The following RUNX1 variants were observed in gnomAD, a reference collection of about 807,000 sequenced individuals.
RUNX1 encodes the protein runt-related transcription factor 1.
In RUNX1, 19 loss-of-function variants were observed where a neutral mutation model predicts 42.8. The ratio of observed to expected loss-of-function variants is 0.44; its 90% CI spans 0.31 to 0.65. RUNX1 has a LOEUF of 0.65. Among genes scored for constraint, RUNX1 ranks in the 30% least tolerant of loss-of-function variants. The pLI is 0.07. For synonymous variants in RUNX1, 271 were observed against 289.4 expected (o/e 0.94, Z 0.64); for missense variants, 528 against 672.0 (o/e 0.79, Z 2.37).
At chr21:34,841,535 AG>A (rs1199383894) in intron 6 of RUNX1, among the ~76,000 whole-genome samples, 1 of 152,138 alleles carries the variant, frequency 6.6e-6, no homozygotes, top group Non-Finnish European at 1.5e-5. Flanking sequence ...ACCTGAGGTC[AG>A]GTGGCATTTT....
intron 2 of RUNX1, among the ~76,000 whole-genome samples, chr21:34,957,362 T>C (rs1306169965): frequency 6.6e-6 from 1 of 152,172 alleles, no homozygotes; most frequent in Non-Finnish European, 1.5e-5. Context: ...TCGTGAAATG[T>C]GAAAAGTTCA....
At chr21:34,960,626 G>A (rs1176259884) in intron 2 of RUNX1, among the ~76,000 whole-genome samples, 1 of 152,218 alleles carries the variant, frequency 6.6e-6, no homozygotes, top group Non-Finnish European at 1.5e-5. Flanking sequence ...GACTTGCCCA[G>A]CCTTAAGATG....
intron 2 of RUNX1, among the ~76,000 whole-genome samples, chr21:34,966,733 C>T (rs139611325): frequency 1.4e-3 from 215 of 152,256 alleles, no homozygotes; most frequent in African/African-American, 4.9e-3. Flanking sequence ...TTTTGCTTTT[C>T]CCACTGAAAA....
At chr21:34,954,815 T>C (rs1415627471) in intron 2 of RUNX1, among the ~76,000 whole-genome samples, 1 of 152,172 alleles carries the variant, frequency 6.6e-6, no homozygotes, top group Non-Finnish European at 1.5e-5. Context: ...AAAGCATCTG[T>C]CTTTGTGTGA....
chr21:35,018,517 C>T lies in RUNX1; in HGVS notation c.58+30325G>A, dbSNP rs574178825. On this transcript the variant is annotated intron_variant, in intron 2 of 8. Coordinates refer to ENST00000675419, the MANE Select transcript of RUNX1 (RefSeq NM_001754.5). ...AGTCGGTGGTACTTTGCAGCCTGAG[C>T]GGACGAATGCATATATCTTACAAAC... Among the ~76,000 whole-genome samples, 15 of 152,244 alleles carry T rather than the reference C, an allele frequency of 9.9e-5. 1 individual carries two copies. In the South Asian group the frequency reaches 2.3e-3, roughly 23 times the overall value.
intron 2 of RUNX1, among the ~76,000 whole-genome samples, chr21:34,893,782 T>TAA (rs374149866): frequency 3.9e-4 from 47 of 121,600 alleles, no homozygotes; most frequent in African/African-American, 1.3e-3. Context: ...TTTTTTTTTT[T>TAA]TAAAAAAAAA....
At chr21:34,857,212 T>C (rs544252327) in intron 6 of RUNX1, among the ~76,000 whole-genome samples, 3 of 152,198 alleles carry the variant, frequency 2.0e-5, no homozygotes, top group Non-Finnish European at 4.4e-5. Flanking sequence ...TGTGTAAAAA[T>C]GGATGCTTCT....
intron 2 of RUNX1, among the ~76,000 whole-genome samples, chr21:34,936,559 G>A (rs1374755004): frequency 6.6e-6 from 1 of 152,196 alleles, no homozygotes; most frequent in Non-Finnish European, 1.5e-5. Context: ...CTGTGTAAAT[G>A]TACGAGGCTG....
chr21:34,820,766 T>G (rs1163631365), intron 7 of RUNX1, among the ~76,000 whole-genome samples: 1 of 152,132 alleles, frequency 6.6e-6, no homozygotes, highest in Admixed American at 6.5e-5. Flanking sequence ...GATGGTGTAT[T>G]TCCAGAAAAA....
In RUNX1 at chr21:34,843,686, T is replaced by G. The variant is rs1235530078; in HGVS notation, c.614-9085A>C. Among the ~76,000 whole-genome samples, 2 of 126,824 alleles carry G rather than the reference T, an allele frequency of 1.6e-5. No individual in the cohort carries two copies. The highest frequency in any genetic ancestry group is 8.9e-5 in the Admixed American group (1 of 11,206). The allele number at this position is 126,824 out of a possible 152,430, so 83.2% of individuals were successfully genotyped here. ...CAGGCCTGCCCCTCCCCAGCCCCCCTGCACCATGCGCCCAAGACTCACGGG... is the reference window on the plus strand; with the variant it reads ...CAGGCCTGCCCCTCCCCAGCCCCCCGGCACCATGCGCCCAAGACTCACGGG... On this transcript the variant is annotated intron_variant, in intron 6 of 8. Coordinates refer to ENST00000675419, the MANE Select transcript of RUNX1 (RefSeq NM_001754.5). This position sits in a 1 kb window ranked among gnomAD's most constrained non-coding sequence, Gnocchi z 4.8.
chr21:35,032,500 GA>G (rs1022623707), intron 2 of RUNX1, among the ~76,000 whole-genome samples: 1 of 152,186 alleles, frequency 6.6e-6, no homozygotes, highest in African/African-American at 2.4e-5. Context: ...ATGGGAAACG[GA>G]CCAGACTTTA....
rs2056412903 is a variant in RUNX1, at chr21:34,789,765, C to CA, written c.*2369dup. Reference sequence around the variant, plus strand: ...GCCTACAATAGTGACAAGCCCCCTCCACACATGGCTTTGAGAGTAAAGGTT... The same window carrying CA: ...GCCTACAATAGTGACAAGCCCCCTCCAACACATGGCTTTGAGAGTAAAGGTT... On this transcript the variant is annotated 3_prime_UTR_variant, in exon 9 of 9. Transcript: ENST00000675419. 1 of 233,112 alleles carries CA rather than the reference C, an allele frequency of 4.3e-6. No individual in the cohort carries two copies. The allele number at this position is 233,112 out of a possible 1,614,324, so 14.4% of individuals were successfully genotyped here. A position where few individuals can be genotyped will look rare whatever the true frequency, so the allele number is the denominator to read the frequency against.
At chr21:34,872,873 G>A (rs1372377604) in intron 5 of RUNX1, among the ~76,000 whole-genome samples, 2 of 151,990 alleles carry the variant, frequency 1.3e-5, no homozygotes, top group East Asian at 3.9e-4. Context: ...ATGTCTTCTG[G>A]GAGTCAAATC....
intron 2 of RUNX1, among the ~76,000 whole-genome samples, chr21:34,899,119 G>A (rs148348235): frequency 1.3e-5 from 2 of 152,226 alleles, no homozygotes; most frequent in African/African-American, 4.8e-5. Flanking sequence ...TCATCATGTT[G>A]TCCACGCTGG....
chr21:34,791,951 T>C lies in RUNX1; in HGVS notation c.*184A>G, dbSNP rs2056441515. On this transcript the variant is annotated 3_prime_UTR_variant, in exon 9 of 9. Transcript: ENST00000675419. ...AGCAGACGGCGGCGGCGTGGGCTTC[T>C]GGGCGCAGGAGGCTGCGCGGGCCTG... is the stretch of plus-strand genomic sequence containing the variant. The C allele has an allele frequency of 5.3e-6, 2 of 377,924 alleles. No individual in the cohort carries two copies. The highest frequency in any genetic ancestry group is 3.2e-5 in the South Asian group (1 of 30,936). The allele number at this position is 377,924 out of a possible 1,614,324, so 23.4% of individuals were successfully genotyped here.
intron 6 of RUNX1, among the ~76,000 whole-genome samples, chr21:34,848,921 G>A (rs767147475): frequency 6.6e-6 from 1 of 152,010 alleles, no homozygotes; most frequent in African/African-American, 2.4e-5. Flanking sequence ...ATAAATCTAT[G>A]TAGTATCTAG....
chr21:35,000,623 G>A (rs1270158828), intron 2 of RUNX1, among the ~76,000 whole-genome samples: 2 of 152,140 alleles, frequency 1.3e-5, no homozygotes, highest in Middle Eastern at 3.2e-3. Context: ...GCAAAGTTCC[G>A]GAAGGGCAGG....
intron 7 of RUNX1, among the ~76,000 whole-genome samples, chr21:34,804,212 G>A (rs2056648023): frequency 2.0e-5 from 3 of 152,188 alleles, no homozygotes; most frequent in South Asian, 2.1e-4. Context: ...ACTAGTGTGC[G>A]AATAAGACAC....
At chr21:34,909,176 C>G (rs1347118945) in intron 2 of RUNX1, among the ~76,000 whole-genome samples, 1 of 152,010 alleles carries the variant, frequency 6.6e-6, no homozygotes, top group Non-Finnish European at 1.5e-5. Flanking sequence ...GACAGTACAC[C>G]AGGACCACTC....
Sources: allele counts gnomAD v4.1 joint callset (sites outside exome capture counted in the v4.1 genomes callset), GRCh38; gene constraint gnomAD v4.1.1; non-coding constraint Gnocchi (gnomAD v3.1); transcripts MANE v1.5; gene names NCBI Gene and HGNC (gene_info 2026-07-23, HGNC 2026-07-21).